Variants in MSRB2 observed in about 807,000 individuals in gnomAD.
MSRB2 encodes methionine sulfoxide reductase B2, also known as methionine-R-sulfoxide reductase B2, mitochondrial.
Under a neutral mutation model 19.0 loss-of-function variants are expected in MSRB2, and 17 were observed. The observed-to-expected ratio is 0.89, with a 90% CI of 0.61 to 1.34. The LOEUF is 1.34. Ranked by LOEUF, MSRB2 falls within the 40% of genes most tolerant of loss-of-function variation. The pLI is 0.00. For missense variants in MSRB2, 208 were observed against 237.6 expected (o/e 0.88, Z 0.82); for synonymous variants, 107 against 99.7 (o/e 1.07, Z -0.44).
chr10:23,098,361 C>T (rs896683607), intron 1 of MSRB2, among the ~76,000 whole-genome samples: 3 of 152,136 alleles, frequency 2.0e-5, no homozygotes, highest in Admixed American at 6.6e-5. Context: ...ATGAAAAAAT[C>T]GAGGCCCACC....
At chr10:23,108,082 C>T (rs997211830) in intron 2 of MSRB2, among the ~76,000 whole-genome samples, 3 of 151,584 alleles carry the variant, frequency 2.0e-5, no homozygotes, top group Non-Finnish European at 2.9e-5. Context: ...CTCAGCCTCC[C>T]GAGTAGCTGG....
Position 23,095,723 on chromosome 10 carries a change from G to A in MSRB2, c.115G>A (p.Ala39Thr), listed in dbSNP as rs1839853105. 7.9e-7 allele frequency: 1 copy of A among 1,260,256 alleles called. No individual in the cohort carries two copies. The allele number at this position is 1,260,256 out of a possible 1,614,324, so 78.1% of individuals were successfully genotyped here. A position where few individuals can be genotyped will look rare whatever the true frequency, so the allele number is the denominator to read the frequency against. Residue 39 changes from alanine (A) to threonine (T), a missense_variant, in exon 1 of 5, where the codon GCA (alanine) becomes ACA (threonine). Coordinates refer to ENST00000376510, the MANE Select transcript of MSRB2 (RefSeq NM_012228.4). ...GPGTGPGLGEAGSLATCELPL... is the reference protein window; with the variant it reads ...GPGTGPGLGETGSLATCELPL... ...CGGCACCGGGCCGGGACTGGGGGAGGCAGGTAGGACGCGGGTCCCGCAGGC... is the reference window on the plus strand; with the variant it reads ...CGGCACCGGGCCGGGACTGGGGGAGACAGGTAGGACGCGGGTCCCGCAGGC...
At position 23,119,304 on chromosome 10, in the gene MSRB2, T is replaced by C. The variant is rs778895384; in HGVS notation, c.297T>C (p.Ser99=). 1 of 1,613,910 alleles carries C rather than the reference T, an allele frequency of 6.2e-7. No individual in the cohort carries two copies. The highest frequency in any genetic ancestry group is 2.2e-5 in the East Asian group (1 of 44,866). Residue 99 remains serine (S), a splice_region_variant and synonymous_variant, in exon 4 of 5, where the codon AGT becomes AGC. Transcript: ENST00000376510. The part of the protein sequence containing the change: ...HCVCCDSPLF[S]SEKKYCSGTG... ...GTAGTATCGTTTATGTCTTCCACAG[T>C]TCTGAGAAAAAGTACTGCTCTGGCA... is the stretch of plus-strand genomic sequence containing the variant.
At chr10:23,096,352 C>CTCTCTGTGTGTGTGTGTGTGTGTGTG (rs144653384) in intron 1 of MSRB2, among the ~76,000 whole-genome samples, 73 of 142,746 alleles carry the variant, frequency 5.1e-4, no homozygotes, top group Middle Eastern at 3.2e-3. Flanking sequence ...CTCTCTCTCT[C>CTCTCTGTGTGTGTGTGTGTGTGTGTG]TGTGTGTGTG....
intron 1 of MSRB2, among the ~76,000 whole-genome samples, chr10:23,097,585 G>A (rs890778865): frequency 6.6e-6 from 1 of 152,192 alleles, no homozygotes; most frequent in Non-Finnish European, 1.5e-5. Context: ...TTGGGAGTTA[G>A]GGCTTTAGCA....
intron 1 of MSRB2, among the ~76,000 whole-genome samples, chr10:23,096,360 G>GTGTGTGTGTGTGTGTGTGTGTGTGTGTT (rs1839869395): frequency 6.6e-6 from 1 of 150,926 alleles, no homozygotes; most frequent in African/African-American, 2.4e-5. Context: ...CTCTGTGTGT[G>GTGTGTGTGTGTGTGTGTGTGTGTGTGTT]TGTGTGTGTG....
At chr10:23,115,175 GTGT>G (rs1840098362) in intron 3 of MSRB2, among the ~76,000 whole-genome samples, 1 of 152,150 alleles carries the variant, frequency 6.6e-6, no homozygotes, top group African/African-American at 2.4e-5. Flanking sequence ...TTTCCAGAAT[GTGT>G]TGTCACACTC....
intron 1 of MSRB2, among the ~76,000 whole-genome samples, chr10:23,100,868 A>C (rs1839919613): frequency 6.6e-6 from 1 of 152,178 alleles, no homozygotes; most frequent in South Asian, 2.1e-4. Flanking sequence ...GGTATTAGTA[A>C]GTGTGATGGT....
chr10:23,113,141 A>T (rs985506412), intron 3 of MSRB2, among the ~76,000 whole-genome samples: 1 of 152,186 alleles, frequency 6.6e-6, no homozygotes, highest in Non-Finnish European at 1.5e-5. Context: ...AATTCCTTCA[A>T]ATGCTTGTGT....
intron 3 of MSRB2, among the ~76,000 whole-genome samples, chr10:23,113,171 A>T (rs755951868): frequency 6.6e-6 from 1 of 152,226 alleles, no homozygotes; most frequent in Non-Finnish European, 1.5e-5. Context: ...GTGAAGGGAA[A>T]GTTGGTCAAC....
At position 23,120,811 on chromosome 10, in the gene MSRB2, G is replaced by C; in HGVS notation, c.498G>C (p.Gln166His). 2 of 1,614,168 alleles carry C rather than the reference G, an allele frequency of 1.2e-6. No individual in the cohort carries two copies. Among genetic ancestry groups the C allele is most frequent in the East Asian group, 2.2e-5 (1 of 44,878 alleles). Reference sequence around the variant, plus strand: ...CTGATGGACCTGGGCCCAATGGTCAGAGGTTTTGCATCAACAGTGTGGCTT... The same window carrying C: ...CTGATGGACCTGGGCCCAATGGTCACAGGTTTTGCATCAACAGTGTGGCTT... ...VFPDGPGPNG[Q>H]RFCINSVALK... Residue 166 changes from glutamine (Q) to histidine (H), a missense_variant, in exon 5 of 5, where the codon CAG becomes CAC. Coordinates refer to ENST00000376510, the MANE Select transcript of MSRB2 (RefSeq NM_012228.4).
chr10:23,105,926 T>A (rs921492376), intron 2 of MSRB2, among the ~76,000 whole-genome samples: 10 of 152,366 alleles, frequency 6.6e-5, no homozygotes, highest in African/African-American at 2.2e-4. Flanking sequence ...GGAAAGAGAC[T>A]ACATTAGCCA....
intron 2 of MSRB2, among the ~76,000 whole-genome samples, chr10:23,105,439 C>T (rs1839978224): frequency 6.6e-6 from 1 of 152,146 alleles, no homozygotes; most frequent in African/African-American, 2.4e-5. Flanking sequence ...CACTCCTCTT[C>T]ATCCTCCCCC....
At chr10:23,096,896 G>T (rs943221615) in intron 1 of MSRB2, among the ~76,000 whole-genome samples, 5 of 152,124 alleles carry the variant, frequency 3.3e-5, no homozygotes, top group African/African-American at 1.2e-4. Flanking sequence ...TGGTTTTAGC[G>T]GTAACTACTT....
intron 3 of MSRB2, among the ~76,000 whole-genome samples, chr10:23,116,438 G>A (rs1198337434): frequency 6.6e-6 from 1 of 152,026 alleles, no homozygotes; most frequent in African/African-American, 2.4e-5. Flanking sequence ...TTGTGAAGAT[G>A]GTCCTGACAT....
intron 2 of MSRB2, among the ~76,000 whole-genome samples, chr10:23,106,186 T>A (rs190217558): frequency 6.6e-6 from 1 of 152,342 alleles, no homozygotes. Context: ...TTAACTAATG[T>A]TATAAATCCC....
rs367644552 is a variant in MSRB2, at chr10:23,108,838, C to G, written c.220-1404C>G. On this transcript the variant is annotated intron_variant, in intron 2 of 4. Coordinates refer to ENST00000376510, the MANE Select transcript of MSRB2 (RefSeq NM_012228.4). ...GTTGGAAGCAGGCATTTGAGGGGAC[C>G]GGCCATAAAGGACCAGCTCACTACT... Among the ~76,000 whole-genome samples, 7 of 152,188 alleles carry G rather than the reference C, an allele frequency of 4.6e-5. No individual in the cohort carries two copies. In the South Asian group the frequency reaches 1.5e-3, roughly 32 times the overall value.
chr10:23,114,349 CAAA>C (rs764900482), intron 3 of MSRB2, among the ~76,000 whole-genome samples: 1 of 49,298 alleles, frequency 2.0e-5, no homozygotes, highest in Middle Eastern at 8.5e-3. Context: ...GACTCCATCT[CAAA>C]AAAAAAAAAA....
intron 2 of MSRB2, among the ~76,000 whole-genome samples, chr10:23,105,950 C>G (rs1353781687): frequency 6.6e-6 from 1 of 152,162 alleles, no homozygotes; most frequent in East Asian, 1.9e-4. Flanking sequence ...GTGTAGACTG[C>G]ACAAGGGAAC....
Sources: gnomAD v4.1 joint callset for allele counts (sites outside exome capture counted in the v4.1 genomes callset) on GRCh38, gnomAD v4.1.1 for gene constraint, MANE v1.5 for transcripts, NCBI Gene and HGNC (gene_info 2026-07-23, HGNC 2026-07-21) for gene names.